RBFOX1: variants seen among roughly 807,000 people sequenced by gnomAD.
RBFOX1 encodes the protein RNA binding fox-1 homolog 1, also known as RNA binding protein fox-1 homolog 1.
A neutral mutation model predicts 57.7 loss-of-function variants in RBFOX1; 8 were observed. That is an observed-to-expected ratio of 0.14 (90% CI 0.08 to 0.25). The LOEUF is 0.25. Among genes scored for constraint, RBFOX1 ranks in the 10% least tolerant of loss-of-function variants. RBFOX1 has a pLI of 1.00. For missense variants in RBFOX1, 611 were observed against 548.5 expected (o/e 1.11, Z -1.14); for synonymous variants, 326 against 222.4 (o/e 1.47, Z -4.15).
intron 1 of RBFOX1, among the ~76,000 whole-genome samples, chr16:6,308,399 A>G (rs945598229): frequency 2.6e-5 from 4 of 152,230 alleles, no homozygotes; most frequent in African/African-American, 9.6e-5. Context: ...TTGTGGCATG[A>G]AAGCAATCTT....
intron 1 of RBFOX1, among the ~76,000 whole-genome samples, chr16:5,296,829 C>G (rs962766219): frequency 6.6e-6 from 1 of 151,996 alleles, no homozygotes; most frequent in African/African-American, 2.4e-5. Context: ...CAGGCACGCA[C>G]CACCACGCCC....
At chr16:6,547,528 GTTA>G (rs1172911059) in intron 2 of RBFOX1, among the ~76,000 whole-genome samples, 1 of 152,036 alleles carries the variant, frequency 6.6e-6, no homozygotes, top group African/African-American at 2.4e-5. Context: ...TGTTGTTGTT[GTTA>G]TTGAGATATT....
intron 4 of RBFOX1, among the ~76,000 whole-genome samples, chr16:7,489,649 G>C (rs2066410784): frequency 6.6e-6 from 1 of 151,836 alleles, no homozygotes; most frequent in Admixed American, 6.6e-5. Context: ...CCGAGTAGCT[G>C]GGATTACAGG....
intron 4 of RBFOX1, among the ~76,000 whole-genome samples, chr16:7,250,276 A>C (rs1029979471): frequency 6.6e-6 from 1 of 152,368 alleles, no homozygotes; most frequent in South Asian, 2.1e-4. Context: ...ATAACACTGA[A>C]GAGTAAAACA....
chr16:5,261,687 C>T (rs1454587127), intron 1 of RBFOX1, among the ~76,000 whole-genome samples: 3 of 151,800 alleles, frequency 2.0e-5, no homozygotes, highest in African/African-American at 4.8e-5. Flanking sequence ...GTAGCTGGGA[C>T]TACAGGCGCC....
intron 2 of RBFOX1, among the ~76,000 whole-genome samples, chr16:5,512,920 T>C (rs1476516496): frequency 2.0e-5 from 3 of 152,164 alleles, no homozygotes; most frequent in African/African-American, 7.2e-5. Context: ...TTTCTCAGAC[T>C]TTCCTTGTTT....
intron 5 of RBFOX1, among the ~76,000 whole-genome samples, chr16:7,567,941 C>T (rs1174612288): frequency 6.7e-6 from 1 of 150,140 alleles, no homozygotes; most frequent in Non-Finnish European, 1.5e-5. Context: ...AAAATTAAAG[C>T]TGGATATTTT....
At chr16:7,326,412 G>C (rs1016695665) in intron 4 of RBFOX1, among the ~76,000 whole-genome samples, 1 of 152,122 alleles carries the variant, frequency 6.6e-6, no homozygotes, top group Non-Finnish European at 1.5e-5. Context: ...TTTACTGGGG[G>C]GATAATAGAA....
intron 4 of RBFOX1, among the ~76,000 whole-genome samples, chr16:7,415,732 A>C (rs942605418): frequency 1.3e-5 from 2 of 152,182 alleles, no homozygotes; most frequent in Non-Finnish European, 2.9e-5. Flanking sequence ...TTTCTTCTCT[A>C]CCCAGCAATG....
At chr16:6,662,169 A>G (rs1008767091) in intron 3 of RBFOX1, among the ~76,000 whole-genome samples, 1 of 152,124 alleles carries the variant, frequency 6.6e-6, no homozygotes, top group African/African-American at 2.4e-5. Flanking sequence ...GTCAAAGGAT[A>G]CAAACCCTCA....
chr16:5,805,666 G>T (rs1389376074), intron 3 of RBFOX1, among the ~76,000 whole-genome samples: 1 of 152,204 alleles, frequency 6.6e-6, no homozygotes. Flanking sequence ...GGTTCCAGGG[G>T]GAAGGATAAA....
At chr16:5,489,154 GGTTGGGGTATTTCTGCA>G (rs1172329259) in intron 2 of RBFOX1, among the ~76,000 whole-genome samples, 1 of 152,218 alleles carries the variant, frequency 6.6e-6, no homozygotes. Context: ...GCAGAGGGAA[GGTTGGGGTATTTCTGCA>G]TGATAGGAAT....
intron 3 of RBFOX1, among the ~76,000 whole-genome samples, chr16:5,840,515 C>A (rs2056593577): frequency 6.6e-6 from 1 of 152,254 alleles, no homozygotes; most frequent in South Asian, 2.1e-4. Context: ...TTCAGAACAC[C>A]AGGAACACAG....
chr16:6,069,662 A>G (rs1044767120), intron 1 of RBFOX1, among the ~76,000 whole-genome samples: 3 of 152,172 alleles, frequency 2.0e-5, no homozygotes, highest in African/African-American at 7.2e-5. Flanking sequence ...GCAATAATGA[A>G]GTGGTTATAA....
At chr16:6,231,237 TAG>T (rs796936823) in intron 1 of RBFOX1, among the ~76,000 whole-genome samples, 37 of 135,992 alleles carry the variant, frequency 2.7e-4, no homozygotes, top group African/African-American at 7.0e-4. Context: ...TGTGTGTGTG[TAG>T]GTGTGTGTGT....
intron 4 of RBFOX1, among the ~76,000 whole-genome samples, chr16:7,369,858 T>G (rs1316378690): frequency 6.6e-6 from 1 of 152,256 alleles, no homozygotes; most frequent in Non-Finnish European, 1.5e-5. Flanking sequence ...TATCTCACTT[T>G]CTTGCAGCCA....
intron 4 of RBFOX1, among the ~76,000 whole-genome samples, chr16:7,130,910 T>G (rs1163136642): frequency 1.3e-5 from 2 of 152,204 alleles, no homozygotes; most frequent in African/African-American, 4.8e-5. Context: ...CAGCAATGAC[T>G]GCCTTCAGTT....
intron 2 of RBFOX1, among the ~76,000 whole-genome samples, chr16:6,489,109 A>G (rs751687528): frequency 2.3e-4 from 35 of 151,968 alleles, no homozygotes; most frequent in Non-Finnish European, 3.8e-4. Context: ...AAAGTGCCCT[A>G]TTTTTTTCCA....
intron 3 of RBFOX1, among the ~76,000 whole-genome samples, chr16:6,801,854 T>A (rs1401318097): frequency 6.6e-6 from 1 of 152,114 alleles, no homozygotes; most frequent in Non-Finnish European, 1.5e-5. Flanking sequence ...AAGTGTGCAT[T>A]CATCTGAAGA....
Sources: gnomAD v4.1 joint callset for allele counts (sites outside exome capture counted in the v4.1 genomes callset) on GRCh38, gnomAD v4.1.1 for gene constraint, MANE v1.5 for transcripts, NCBI Gene and HGNC (gene_info 2026-07-23, HGNC 2026-07-21) for gene names.